KIF5A: variants seen among roughly 807,000 people sequenced by gnomAD.
KIF5A encodes the protein kinesin heavy chain isoform 5A.
A neutral mutation model predicts 141.3 loss-of-function variants in KIF5A; 35 were observed. That is an observed-to-expected ratio of 0.25 (90% CI 0.19 to 0.33). KIF5A has a LOEUF of 0.33. KIF5A is among the 10% of genes least tolerant of loss of function. The probability of loss-of-function intolerance (pLI) is 1.00; values close to 1 mark genes in which losing one functional copy is unlikely to be tolerated. For missense variants in KIF5A, 861 were observed against 1,314.3 expected (o/e 0.66, Z 5.33); for synonymous variants, 448 against 500.2 (o/e 0.90, Z 1.39).
chr12:57,578,108 G>A (rs2140169543), intron 22 of KIF5A, 28 bp downstream of exon 22: 2 of 1,599,122 alleles, frequency 1.3e-6, no homozygotes, highest in South Asian at 1.1e-5. Flanking sequence ...GGTTTTGTCA[G>A]CCCCCACATC....
At chr12:57,573,843 A>C (rs1882335357) in intron 15 of KIF5A, among the ~76,000 whole-genome samples, 1 of 151,568 alleles carries the variant, frequency 6.6e-6, no homozygotes, top group Non-Finnish European at 1.5e-5. Flanking sequence ...AAAAAAAAAA[A>C]AAAATTTGGG....
chr12:57,578,647 G>C (rs1882501879), intron 23 of KIF5A, among the ~76,000 whole-genome samples: 1 of 152,166 alleles, frequency 6.6e-6, no homozygotes, highest in Non-Finnish European at 1.5e-5. Flanking sequence ...ATACAGGAGG[G>C]AGACTGGTCA....
Position 57,572,965 on chromosome 12 carries a change from G to A in KIF5A, c.1716+239G>A, listed in dbSNP as rs1882303738. Among the ~76,000 whole-genome samples the A allele has an allele frequency of 1.3e-5, 2 of 152,284 alleles. No individual in the cohort carries two copies. The highest frequency in any genetic ancestry group is 3.4e-3 in the Middle Eastern group (1 of 294). ...AGCACTTTGGGAGGCCGAGGCAGGC[G>A]GATCACTTGAGGTCAGGAGTTCGAG... On this transcript the variant is annotated intron_variant, in intron 15 of 28. Transcript: ENST00000455537. The surrounding 1 kb of genome is among the most constrained non-coding windows in gnomAD (Gnocchi z 4.2).
chr12:57,567,058 AAAAT>A (rs902637001), intron 6 of KIF5A, 64 bp from the exon 7 acceptor site: 25 of 866,166 alleles, frequency 2.9e-5, no homozygotes, highest in South Asian at 3.5e-5. Flanking sequence ...AATAATAATA[AAAAT>A]AAATAAATAA....
Position 57,571,285 on chromosome 12 carries a change from T to C in KIF5A, c.1294-36T>C, listed in dbSNP as rs569833766. ...TTACGTCTAAACTGGAAGGAGTAGCTTCCCTTCACCTGTCTTTCCCTGTTG... is the reference window on the plus strand; with the variant it reads ...TTACGTCTAAACTGGAAGGAGTAGCCTCCCTTCACCTGTCTTTCCCTGTTG... On this transcript the variant is annotated intron_variant, in intron 12 of 28. Coordinates refer to ENST00000455537, the MANE Select transcript of KIF5A (RefSeq NM_004984.4). 6 of 1,280,884 alleles carry C rather than the reference T, an allele frequency of 4.7e-6. No individual in the cohort carries two copies. In the South Asian group the frequency reaches 4.7e-5, roughly 10 times the overall value. The allele number at this position is 1,280,884 out of a possible 1,614,324, so 79.3% of individuals were successfully genotyped here. A position where few individuals can be genotyped will look rare whatever the true frequency, so the allele number is the denominator to read the frequency against.
In KIF5A at chr12:57,550,957, G is replaced by A. The variant is rs1881552909; in HGVS notation, c.129+557G>A. On this transcript the variant is annotated intron_variant, in intron 1 of 28. Transcript: ENST00000455537. The surrounding 1 kb of genome is among the most constrained non-coding windows in gnomAD (Gnocchi z 4.6). ...TTGTGGGGAGTAGGTCTGATGCAGG[G>A]TTTACTGGGAAAGAAATCATTGATG... is the stretch of plus-strand genomic sequence containing the variant. 6.6e-6 allele frequency among the ~76,000 whole-genome samples: 1 copy of A among 152,054 alleles called. No homozygotes were observed. Among genetic ancestry groups the A allele is most frequent in the Non-Finnish European group, 1.5e-5 (1 of 68,006 alleles).
chr12:57,568,132 C>T (rs899618139), intron 8 of KIF5A, among the ~76,000 whole-genome samples: 3 of 152,080 alleles, frequency 2.0e-5, no homozygotes, highest in African/African-American at 7.2e-5. Context: ...CCACCTGCCT[C>T]GGCCTCCCAA....
intron 23 of KIF5A, among the ~76,000 whole-genome samples, chr12:57,580,475 G>T (rs1414205909): frequency 6.6e-6 from 1 of 152,186 alleles, no homozygotes; most frequent in Admixed American, 6.5e-5. Flanking sequence ...CACCTGCCAT[G>T]CACAGATTCT....
At position 57,562,935 on chromosome 12, in the gene KIF5A, C is replaced by G. The variant is rs115807787; in HGVS notation, c.130-504C>G. Among the ~76,000 whole-genome samples the G allele has an allele frequency of 5.1e-3, 777 of 152,240 alleles. 4 individuals are homozygous for G. Among genetic ancestry groups the G allele is most frequent in the African/African-American group, 0.017 (719 of 41,538 alleles). ...AACACAATCTCACTGTGCGACACTC[C>G]TCTACCCCACAGACACAACTCCTGG... On this transcript the variant is annotated intron_variant, in intron 1 of 28. Transcript: ENST00000455537.
rs1467847947 is a variant in KIF5A, at chr12:57,581,092, G to A, written c.2675G>A (p.Arg892Gln). The change falls in exon 24 of 29, where the codon CGG (arginine) becomes CAG (glutamine). Residue 892 changes from arginine to glutamine, a missense_variant. Transcript: ENST00000455537. ...GAGGGCGCCATGAAGGACAAGCGCC[G>A]GTACCAGCAGGAGGTGGACCGCATC... Reference protein sequence around the residue: ...AKEGAMKDKRRYQQEVDRIKE... With the variant: ...AKEGAMKDKRQYQQEVDRIKE... The A allele has an allele frequency of 1.7e-5, 28 of 1,614,002 alleles. No individual in the cohort carries two copies. The highest frequency in any genetic ancestry group is 2.3e-5 in the Non-Finnish European group (27 of 1,180,024).
rs1218667054 is a variant in KIF5A, at chr12:57,584,611, GCACACAAACATGCACACACGCATGCACA to G, written c.*439_*466del. The G allele has an allele frequency of 2.0e-5, 3 of 152,148 alleles. No individual in the cohort carries two copies. Among genetic ancestry groups the G allele is most frequent in the Non-Finnish European group, 4.4e-5 (3 of 67,864 alleles). 9.4% of individuals were successfully genotyped at this position (152,148 alleles called of 1,614,324 possible). A position where few individuals can be genotyped will look rare whatever the true frequency, so the allele number is the denominator to read the frequency against. On this transcript the variant is annotated 3_prime_UTR_variant, in exon 29 of 29. Coordinates refer to ENST00000455537, the MANE Select transcript of KIF5A (RefSeq NM_004984.4). Reference sequence around the variant, plus strand: ...ACCCTTCATACACACACGCACGCACGCACACAAACATGCACACACGCATGCACACACACAAAGCCTTAAGCAGAAGAAT... The same window carrying G: ...ACCCTTCATACACACACGCACGCACGCACACAAAGCCTTAAGCAGAAGAAT...
At chr12:57,580,285 C>A (rs1423690384) in intron 23 of KIF5A, among the ~76,000 whole-genome samples, 1 of 152,146 alleles carries the variant, frequency 6.6e-6, no homozygotes, top group African/African-American at 2.4e-5. Flanking sequence ...TGCTCCCATG[C>A]TCTAGCTTAA....
chr12:57,557,380 T>C (rs1365106491), intron 1 of KIF5A, among the ~76,000 whole-genome samples: 1 of 152,044 alleles, frequency 6.6e-6, no homozygotes, highest in Non-Finnish European at 1.5e-5. Flanking sequence ...CAATTCAAAA[T>C]TAAGGTAGAT....
At chr12:57,573,829 A>T (rs1882334726) in intron 15 of KIF5A, among the ~76,000 whole-genome samples, 1 of 128,366 alleles carries the variant, frequency 7.8e-6, no homozygotes, top group Non-Finnish European at 1.6e-5. Flanking sequence ...ACTCCGTCTC[A>T]AAAAAAAAAA....
chr12:57,555,306 GA>G (rs1398724393), intron 1 of KIF5A, among the ~76,000 whole-genome samples: 1 of 152,098 alleles, frequency 6.6e-6, no homozygotes, highest in Non-Finnish European at 1.5e-5. Flanking sequence ...TTATTTTCAT[GA>G]AAAGATCACT....
At chr12:57,556,295 C>T (rs1881740726) in intron 1 of KIF5A, among the ~76,000 whole-genome samples, 1 of 152,062 alleles carries the variant, frequency 6.6e-6, no homozygotes, top group African/African-American at 2.4e-5. Flanking sequence ...CCTGCCACCA[C>T]GCCCGGCTAA....
chr12:57,557,358 TAAAATTAATTACAATTC>T (rs1881777784), intron 1 of KIF5A, among the ~76,000 whole-genome samples: 1 of 152,166 alleles, frequency 6.6e-6, no homozygotes. Flanking sequence ...GATTACAATT[TAAAATTAATTACAATTC>T]AAAATTAAGG....
intron 1 of KIF5A, among the ~76,000 whole-genome samples, chr12:57,560,043 C>T (rs1030003436): frequency 9.2e-5 from 14 of 152,066 alleles, no homozygotes; most frequent in Non-Finnish European, 1.9e-4. Flanking sequence ...AGGCATGCAC[C>T]GCTATGCCCA....
At chr12:57,565,716 C>G (rs1487405602) in intron 6 of KIF5A, among the ~76,000 whole-genome samples, 1 of 150,078 alleles carries the variant, frequency 6.7e-6, no homozygotes, top group African/African-American at 2.5e-5. Flanking sequence ...CCTCCCTGTC[C>G]TGGGTTCAAA....
Sources: allele counts gnomAD v4.1 joint callset (sites outside exome capture counted in the v4.1 genomes callset), GRCh38; gene constraint gnomAD v4.1.1; non-coding constraint Gnocchi (gnomAD v3.1); transcripts MANE v1.5; gene names NCBI Gene and HGNC (gene_info 2026-07-23, HGNC 2026-07-21).